TMEM132D: variants seen among roughly 807,000 people sequenced by gnomAD.
TMEM132D encodes transmembrane protein 132D.
TMEM132D carries 21 observed loss-of-function variants against 62.3 expected under a neutral mutation model. The observed-to-expected ratio is 0.34, with a 90% CI of 0.24 to 0.49. The LOEUF is 0.49. Ranked by LOEUF, TMEM132D falls within the 20% of genes least tolerant of loss-of-function variation. TMEM132D has a pLI of 0.99. For missense variants in TMEM132D, 1,346 were observed against 1,402.8 expected, an observed-to-expected ratio of 0.96 and a Z score of 0.65; for synonymous variants, 621 against 575.6, an observed-to-expected ratio of 1.08 and a Z score of -1.13.
chr12:129,816,236 C>G (rs1872340513), intron 1 of TMEM132D, among the ~76,000 whole-genome samples: 2 of 152,134 alleles, frequency 1.3e-5, no homozygotes, highest in Admixed American at 6.5e-5. Flanking sequence ...TGATGTCAGT[C>G]AGAATGCAAA....
intron 4 of TMEM132D, among the ~76,000 whole-genome samples, chr12:129,316,039 T>G (rs1868479445): frequency 6.6e-6 from 1 of 152,226 alleles, no homozygotes; most frequent in South Asian, 2.1e-4. Flanking sequence ...CTTCTCTTCT[T>G]GGTTAATCTT....
chr12:129,595,855 C>T (rs555828584), intron 2 of TMEM132D, among the ~76,000 whole-genome samples: 2 of 152,298 alleles, frequency 1.3e-5, no homozygotes, highest in Admixed American at 6.5e-5. Context: ...CCTCAGCCTC[C>T]CAGTGCCATA....
intron 1 of TMEM132D, among the ~76,000 whole-genome samples, chr12:129,748,373 T>G: frequency 1.3e-5 from 2 of 150,634 alleles, no homozygotes; most frequent in South Asian, 2.1e-4. Flanking sequence ...AGGAGGGAGG[T>G]TTTTCATTGT....
At chr12:129,334,546 C>T (rs1327548449) in intron 4 of TMEM132D, among the ~76,000 whole-genome samples, 4 of 152,194 alleles carry the variant, frequency 2.6e-5, no homozygotes, top group African/African-American at 4.8e-5. Context: ...CAGTCTGGCT[C>T]TCCACTTAGT....
intron 7 of TMEM132D, 107 bp from the exon 8 acceptor site, chr12:129,078,832 G>A: frequency 1.8e-6 from 2 of 1,124,166 alleles, no homozygotes; most frequent in Non-Finnish European, 2.6e-6. Flanking sequence ...GGCAACATGT[G>A]AGCCAGAATG....
intron 4 of TMEM132D, among the ~76,000 whole-genome samples, chr12:129,311,382 T>C (rs1360766043): frequency 6.6e-6 from 1 of 152,144 alleles, no homozygotes; most frequent in Non-Finnish European, 1.5e-5. Flanking sequence ...AGTAAGGACA[T>C]ATTACCTATG....
intron 5 of TMEM132D, among the ~76,000 whole-genome samples, chr12:129,140,065 T>A (rs1298496774): frequency 6.6e-6 from 1 of 152,154 alleles, no homozygotes; most frequent in Non-Finnish European, 1.5e-5. Flanking sequence ...CTTTTTCATT[T>A]TTTTTAAGAT....
chr12:129,707,047 T>C (rs1185148694), intron 1 of TMEM132D, among the ~76,000 whole-genome samples: 1 of 150,528 alleles, frequency 6.6e-6, no homozygotes, highest in African/African-American at 2.4e-5. Context: ...AAACAAAATC[T>C]AAATGAAGAG....
intron 1 of TMEM132D, among the ~76,000 whole-genome samples, chr12:129,777,722 A>G (rs1209971564): frequency 6.6e-6 from 1 of 152,172 alleles, no homozygotes; most frequent in African/African-American, 2.4e-5. Flanking sequence ...CCAACTTTTT[A>G]CCACCCCTTT....
At chr12:129,599,975 G>T (rs1289163306) in intron 2 of TMEM132D, among the ~76,000 whole-genome samples, 1 of 152,148 alleles carries the variant, frequency 6.6e-6, no homozygotes, top group Non-Finnish European at 1.5e-5. Context: ...CTGTGGCAAT[G>T]TCTTAAAAAA....
chr12:129,477,449 C>T (rs1392362440), intron 3 of TMEM132D, among the ~76,000 whole-genome samples: 1 of 152,186 alleles, frequency 6.6e-6, no homozygotes, highest in Non-Finnish European at 1.5e-5. Flanking sequence ...TACTTGGTCT[C>T]CATGCTCTAT....
intron 2 of TMEM132D, among the ~76,000 whole-genome samples, chr12:129,693,704 G>T (rs1211322095): frequency 6.6e-6 from 1 of 152,160 alleles, no homozygotes; most frequent in Non-Finnish European, 1.5e-5. Flanking sequence ...GCACTCTTCA[G>T]TAGGGAAATT....
At chr12:129,554,191 A>G (rs1323176636) in intron 2 of TMEM132D, among the ~76,000 whole-genome samples, 1 of 152,062 alleles carries the variant, frequency 6.6e-6, no homozygotes, top group Non-Finnish European at 1.5e-5. Context: ...CTTTGGCCAC[A>G]CCAAGCCAGG....
At chr12:129,216,947 T>C (rs1879221012) in intron 4 of TMEM132D, among the ~76,000 whole-genome samples, 2 of 152,186 alleles carry the variant, frequency 1.3e-5, no homozygotes, top group African/African-American at 4.8e-5. Flanking sequence ...GTAAGTTAAA[T>C]TGACTTATTT....
At chr12:129,691,497 A>G (rs960826810) in intron 2 of TMEM132D, among the ~76,000 whole-genome samples, 1 of 152,102 alleles carries the variant, frequency 6.6e-6, no homozygotes, top group Admixed American at 6.5e-5. Context: ...AAGAAGAGTC[A>G]TCACTACTGA....
chr12:129,483,434 A>G (rs2137054924), intron 3 of TMEM132D, among the ~76,000 whole-genome samples: 1 of 152,352 alleles, frequency 6.6e-6, no homozygotes, highest in South Asian at 2.1e-4. Flanking sequence ...TCTGAGATGA[A>G]TCTGAGTAAC....
At chr12:129,647,246 T>TTTTTG (rs1879810099) in intron 2 of TMEM132D, among the ~76,000 whole-genome samples, 1 of 150,286 alleles carries the variant, frequency 6.7e-6, no homozygotes, top group South Asian at 2.1e-4. Flanking sequence ...TTTTTCTGTT[T>TTTTTG]TTTTTTTTTT....
At chr12:129,173,812 T>C (rs1877809376) in intron 5 of TMEM132D, among the ~76,000 whole-genome samples, 1 of 152,190 alleles carries the variant, frequency 6.6e-6, no homozygotes, top group African/African-American at 2.4e-5. Flanking sequence ...GGATGGAGTC[T>C]CAACTTCTAG....
At chr12:129,271,595 G>A (rs1449867442) in intron 4 of TMEM132D, among the ~76,000 whole-genome samples, 2 of 151,352 alleles carry the variant, frequency 1.3e-5, no homozygotes, top group African/African-American at 4.9e-5. Context: ...GGTGTATGAT[G>A]TTCCCCTCCC....
Sources: allele counts gnomAD v4.1 joint callset (sites outside exome capture counted in the v4.1 genomes callset), GRCh38; gene constraint gnomAD v4.1.1; transcripts MANE v1.5; gene names NCBI Gene and HGNC (gene_info 2026-07-23, HGNC 2026-07-21).